Variants in SNTB1 observed in about 807,000 individuals in gnomAD.
SNTB1 encodes beta-1-syntrophin.
In SNTB1, 36 loss-of-function variants were observed where a neutral mutation model predicts 48.9. That is an observed-to-expected ratio of 0.74 (90% CI 0.56 to 0.97). The LOEUF (loss-of-function observed/expected upper bound fraction) is 0.97. Ranked by LOEUF, SNTB1 falls within the 50% of genes least tolerant of loss-of-function variation. The pLI is 0.00. For synonymous variants in SNTB1, 299 were observed against 294.6 expected, an observed-to-expected ratio of 1.01 and a Z score of -0.15; for missense variants, 786 against 703.4, an observed-to-expected ratio of 1.12 and a Z score of -1.33.
chr8:120,627,419 A>G (rs910297774), intron 3 of SNTB1, among the ~76,000 whole-genome samples: 2 of 152,194 alleles, frequency 1.3e-5, no homozygotes, highest in African/African-American at 2.4e-5. Context: ...TTGAAATTTT[A>G]TAGTACAAAA....
intron 1 of SNTB1, among the ~76,000 whole-genome samples, chr8:120,696,177 T>A (rs1191641680): frequency 6.6e-6 from 1 of 152,236 alleles, no homozygotes; most frequent in African/African-American, 2.4e-5. Flanking sequence ...TTAGCTGAGA[T>A]GAATTGAAGA....
chr8:120,614,200 G>A (rs142087437), intron 3 of SNTB1, among the ~76,000 whole-genome samples: 168 of 152,184 alleles, frequency 1.1e-3, no homozygotes, highest in Non-Finnish European at 1.5e-3. Context: ...TCTGTGTCTC[G>A]GTTTTCTCAT....
chr8:120,755,479 C>T (rs1032842173), intron 1 of SNTB1, among the ~76,000 whole-genome samples: 2 of 151,990 alleles, frequency 1.3e-5, no homozygotes, highest in Non-Finnish European at 2.9e-5. Context: ...TTATGGTAGA[C>T]AGGTCCATCT....
At chr8:120,762,414 T>A (rs1268200058) in intron 1 of SNTB1, among the ~76,000 whole-genome samples, 1 of 152,118 alleles carries the variant, frequency 6.6e-6, no homozygotes, top group Non-Finnish European at 1.5e-5. Flanking sequence ...TATCCTCTAA[T>A]CAGAATGAAA....
At chr8:120,556,801 C>A (rs975772787) in intron 4 of SNTB1, among the ~76,000 whole-genome samples, 1 of 152,182 alleles carries the variant, frequency 6.6e-6, no homozygotes, top group Non-Finnish European at 1.5e-5. Flanking sequence ...GATTAATTTG[C>A]ATTGGCATAT....
chr8:120,693,116 CA>C (rs1818155417), intron 2 of SNTB1, among the ~76,000 whole-genome samples: 1 of 152,074 alleles, frequency 6.6e-6, no homozygotes, highest in Non-Finnish European at 1.5e-5. Flanking sequence ...CATGCTCTTT[CA>C]AATAACCAGC....
At chr8:120,709,400 T>G (rs1450619902) in intron 1 of SNTB1, among the ~76,000 whole-genome samples, 1 of 152,132 alleles carries the variant, frequency 6.6e-6, no homozygotes, top group Non-Finnish European at 1.5e-5. Context: ...GGACAGAACA[T>G]CCATGAAGAG....
At chr8:120,697,549 C>T (rs7836785) in intron 1 of SNTB1, among the ~76,000 whole-genome samples, 3,689 of 152,218 alleles carry the variant, frequency 0.024, 150 homozygotes, top group African/African-American at 0.082. Flanking sequence ...ATCTCAAGCT[C>T]GACAAATCTC....
At chr8:120,562,424 C>G (rs1447152442) in intron 4 of SNTB1, among the ~76,000 whole-genome samples, 1 of 152,122 alleles carries the variant, frequency 6.6e-6, no homozygotes, top group Non-Finnish European at 1.5e-5. Context: ...CCCACCACTC[C>G]TGAGGGGCTC....
chr8:120,653,461 G>T (rs550730260), intron 2 of SNTB1, among the ~76,000 whole-genome samples: 257 of 152,266 alleles, frequency 1.7e-3, no homozygotes, highest in African/African-American at 4.8e-3. Context: ...ACATCTGGAA[G>T]AAACCAACCC....
At chr8:120,681,829 G>T (rs901730925) in intron 2 of SNTB1, among the ~76,000 whole-genome samples, 1 of 152,034 alleles carries the variant, frequency 6.6e-6, no homozygotes, top group African/African-American at 2.4e-5. Flanking sequence ...GAAATGAACA[G>T]ATAGCAATGG....
intron 3 of SNTB1, among the ~76,000 whole-genome samples, chr8:120,617,494 T>G (rs1376252075): frequency 1.3e-5 from 2 of 152,186 alleles, no homozygotes; most frequent in Non-Finnish European, 2.9e-5. Context: ...TTATAAATAC[T>G]GGGTGAAGAC....
intron 3 of SNTB1, among the ~76,000 whole-genome samples, chr8:120,622,028 C>T (rs1188594189): frequency 1.3e-5 from 2 of 152,182 alleles, no homozygotes; most frequent in African/African-American, 4.8e-5. Context: ...GTTAAGTTGA[C>T]CCCTTACTAT....
At chr8:120,673,417 A>G (rs1193862748) in intron 2 of SNTB1, among the ~76,000 whole-genome samples, 1 of 151,260 alleles carries the variant, frequency 6.6e-6, no homozygotes, top group Non-Finnish European at 1.5e-5. Context: ...TAGCCTCCCG[A>G]GTAGCTGGGA....
At chr8:120,770,702 A>G (rs896682880) in intron 1 of SNTB1, among the ~76,000 whole-genome samples, 2 of 152,074 alleles carry the variant, frequency 1.3e-5, no homozygotes, top group Non-Finnish European at 2.9e-5. Context: ...AATCCTAGCT[A>G]CTCAGGAGGC....
chr8:120,598,332 C>T (rs1816360737), intron 3 of SNTB1, among the ~76,000 whole-genome samples: 1 of 152,230 alleles, frequency 6.6e-6, no homozygotes, highest in African/African-American at 2.4e-5. Context: ...TTGCATATAA[C>T]AGAGCCCCTA....
At chr8:120,558,107 A>C (rs1815596850) in intron 4 of SNTB1, among the ~76,000 whole-genome samples, 1 of 152,224 alleles carries the variant, frequency 6.6e-6, no homozygotes, top group Admixed American at 6.5e-5. Flanking sequence ...TTCTGCCAGG[A>C]ACAGTCTTTT....
intron 1 of SNTB1, among the ~76,000 whole-genome samples, chr8:120,767,582 T>C (rs59536599): frequency 0.038 from 5,813 of 152,270 alleles, 375 homozygotes; most frequent in African/African-American, 0.13. Flanking sequence ...AGCCAGACTG[T>C]CTTGGTTCAA....
At chr8:120,569,335 G>A (rs1261443782) in intron 4 of SNTB1, among the ~76,000 whole-genome samples, 1 of 152,164 alleles carries the variant, frequency 6.6e-6, no homozygotes, top group Admixed American at 6.5e-5. Context: ...TCCATTTCCT[G>A]TTTGCATATT....
Sources: allele counts gnomAD v4.1 joint callset (sites outside exome capture counted in the v4.1 genomes callset), GRCh38; gene constraint gnomAD v4.1.1; transcripts MANE v1.5; gene names NCBI Gene and HGNC (gene_info 2026-07-23, HGNC 2026-07-21).